TRIM71: variants seen among roughly 807,000 people sequenced by gnomAD.
The protein encoded by TRIM71 is E3 ubiquitin-protein ligase TRIM71.
In TRIM71, 9 loss-of-function variants were observed where a neutral mutation model predicts 61.2. The ratio of observed to expected loss-of-function variants is 0.15; its 90% CI spans 0.09 to 0.26. The LOEUF is 0.26. Among genes scored for constraint, TRIM71 ranks in the 10% least tolerant of loss-of-function variants. The pLI is 1.00. For synonymous variants in TRIM71, 645 were observed against 553.2 expected, an observed-to-expected ratio of 1.17 and a Z score of -2.33; for missense variants, 998 against 1,238.7, an observed-to-expected ratio of 0.81 and a Z score of 2.92.
chr3:32,822,683 T>G (rs1253412514), intron 1 of TRIM71, among the ~76,000 whole-genome samples: 1 of 152,178 alleles, frequency 6.6e-6, no homozygotes. Context: ...CTTGCATAAA[T>G]TATAAAATCC....
chr3:32,837,638 T>C (rs1368601444), intron 1 of TRIM71, among the ~76,000 whole-genome samples: 1 of 152,040 alleles, frequency 6.6e-6, no homozygotes, highest in East Asian at 1.9e-4. Flanking sequence ...GCTAACTTGG[T>C]GAAACCCCCT....
intron 1 of TRIM71, among the ~76,000 whole-genome samples, chr3:32,840,901 G>C (rs1696396574): frequency 6.6e-6 from 1 of 152,176 alleles, no homozygotes; most frequent in African/African-American, 2.4e-5. Context: ...GCTGGTCTAA[G>C]TGAGCCAGCT....
At position 32,818,780 on chromosome 3, in the gene TRIM71, A is replaced by G; in HGVS notation, c.700A>G (p.Lys234Glu). 6.2e-7 allele frequency: 1 copy of G among 1,608,444 alleles called. No individual in the cohort carries two copies. Among genetic ancestry groups the G allele is most frequent in the Non-Finnish European group, 8.5e-7 (1 of 1,178,532 alleles). Residue 234 changes from lysine (K) to glutamate (E), a missense_variant, in exon 1 of 4, where the codon AAG (lysine) becomes GAG (glutamate). This residue lies in a region of TRIM71 where 527 missense variants were observed against 427.8 expected (regional missense o/e 1.23). Coordinates refer to ENST00000383763, the MANE Select transcript of TRIM71 (RefSeq NM_001039111.3). The stretch of plus-strand genomic sequence containing the variant: ...AGCGCACCAGCGCGTGCGCCTCACC[A>G]AGGACCACTACATCGAGCGCGGCCC... ...VRAHQRVRLTKDHYIERGPPG... is the reference protein window; with the variant it reads ...VRAHQRVRLTEDHYIERGPPG...
intron 1 of TRIM71, among the ~76,000 whole-genome samples, chr3:32,826,416 C>T (rs990354562): frequency 2.0e-5 from 3 of 151,832 alleles, no homozygotes; most frequent in East Asian, 1.9e-4. Context: ...CCAGTCTGGG[C>T]GATAGAACAA....
rs573533792 is a variant in TRIM71 at position 32,866,478 on chromosome 3, C to T, written c.853-7340C>T. On this transcript the variant is annotated intron_variant, in intron 1 of 3. Coordinates refer to ENST00000383763, the MANE Select transcript of TRIM71 (RefSeq NM_001039111.3). ...TAGTCAACAAGTGATCTGCCCTCTT[C>T]GCACTCCCAAAGTTCTGGGATTACA... 5.3e-5 allele frequency among the ~76,000 whole-genome samples: 8 copies of T among 152,134 alleles called. No homozygotes were observed. In the East Asian group the frequency reaches 5.8e-4, roughly 11 times the overall value.
At chr3:32,856,996 A>G (rs2125683699) in intron 1 of TRIM71, among the ~76,000 whole-genome samples, 1 of 152,300 alleles carries the variant, frequency 6.6e-6, no homozygotes, top group Non-Finnish European at 1.5e-5. Context: ...TTGCTGGAGA[A>G]GGACCACTCA....
intron 1 of TRIM71, among the ~76,000 whole-genome samples, chr3:32,868,870 G>A (rs1215287013): frequency 1.3e-5 from 2 of 152,094 alleles, no homozygotes; most frequent in Non-Finnish European, 2.9e-5. Flanking sequence ...GCCTGAACTG[G>A]GTCCCTATTC....
intron 1 of TRIM71, among the ~76,000 whole-genome samples, chr3:32,830,842 G>A (rs770009548): frequency 3.3e-5 from 5 of 152,030 alleles, no homozygotes; most frequent in Non-Finnish European, 7.4e-5. Flanking sequence ...ATGTTTGTTT[G>A]TTTTTTTGCT....
intron 1 of TRIM71, among the ~76,000 whole-genome samples, chr3:32,821,038 CTAAAGTGT>C (rs1204495851): frequency 6.6e-6 from 1 of 152,170 alleles, no homozygotes; most frequent in Non-Finnish European, 1.5e-5. Flanking sequence ...GAGTAGAAGA[CTAAAGTGT>C]TAGGAGAGAC....
Position 32,894,323 on chromosome 3 carries a change from C to A in TRIM71, c.*2512C>A, listed in dbSNP as rs541228419. ...CCCAGATGTAGGAAAATTTTGGGAC[C>A]TGAATGAGAAATGTTCTTGGTGCAT... On this transcript the variant is annotated 3_prime_UTR_variant, in exon 4 of 4. Coordinates refer to ENST00000383763, the MANE Select transcript of TRIM71 (RefSeq NM_001039111.3). 1.8e-4 allele frequency: 27 copies of A among 152,228 alleles called. No homozygotes were observed. Among genetic ancestry groups the A allele is most frequent in the African/African-American group, 5.8e-4 (24 of 41,526 alleles). The allele number at this position is 152,228 out of a possible 1,614,324, so 9.4% of individuals were successfully genotyped here.
At chr3:32,842,201 T>C (rs1000268082) in intron 1 of TRIM71, among the ~76,000 whole-genome samples, 5 of 152,200 alleles carry the variant, frequency 3.3e-5, no homozygotes, top group African/African-American at 9.7e-5. Flanking sequence ...ACATTGTCCG[T>C]TTTGAAAACT....
intron 1 of TRIM71, among the ~76,000 whole-genome samples, chr3:32,859,596 T>TTTGCATACA (rs1227906057): frequency 1.3e-5 from 2 of 152,182 alleles, no homozygotes; most frequent in Non-Finnish European, 2.9e-5. Flanking sequence ...TTCCAGTGGT[T>TTTGCATACA]TTGCATACAG....
At chr3:32,879,037 C>T (rs1336035510) in intron 2 of TRIM71, among the ~76,000 whole-genome samples, 1 of 152,246 alleles carries the variant, frequency 6.6e-6, no homozygotes, top group East Asian at 1.9e-4. Context: ...GCTTCTATAT[C>T]AGACTTGCTG....
At chr3:32,832,305 A>G (rs1031637727) in intron 1 of TRIM71, among the ~76,000 whole-genome samples, 1 of 152,196 alleles carries the variant, frequency 6.6e-6, no homozygotes, top group Non-Finnish European at 1.5e-5. Flanking sequence ...CTGTCCGTAC[A>G]AATTAGCCGA....
intron 1 of TRIM71, among the ~76,000 whole-genome samples, chr3:32,868,014 T>G (rs1332953515): frequency 6.6e-6 from 1 of 152,148 alleles, no homozygotes; most frequent in African/African-American, 2.4e-5. Context: ...TTAATCTTAT[T>G]TAACAGACGC....
chr3:32,860,670 C>T (rs1696657167), intron 1 of TRIM71, among the ~76,000 whole-genome samples: 1 of 152,106 alleles, frequency 6.6e-6, no homozygotes. Flanking sequence ...AGATCACAGC[C>T]GTGGGGCCCA....
chr3:32,829,142 C>T (rs1696237054), intron 1 of TRIM71, among the ~76,000 whole-genome samples: 1 of 151,376 alleles, frequency 6.6e-6, no homozygotes. Context: ...TACAGGAGTG[C>T]ACCGCCATGC....
intron 1 of TRIM71, among the ~76,000 whole-genome samples, chr3:32,847,318 T>TCC (rs1696487182): frequency 6.7e-6 from 1 of 148,768 alleles, no homozygotes; most frequent in Non-Finnish European, 1.5e-5. Flanking sequence ...TGCCTCCACC[T>TCC]CCCGAGTAGC....
chr3:32,847,717 T>G (rs80315134), intron 1 of TRIM71, among the ~76,000 whole-genome samples: 1 of 152,164 alleles, frequency 6.6e-6, no homozygotes, highest in Non-Finnish European at 1.5e-5. Context: ...ATGTGACAAA[T>G]GAATGTGCTG....
Sources: gnomAD v4.1 joint callset for allele counts (sites outside exome capture counted in the v4.1 genomes callset) on GRCh38, gnomAD v4.1.1 for gene constraint, gnomAD v4.1.1 regional missense constraint, MANE v1.5 for transcripts, NCBI Gene and HGNC (gene_info 2026-07-23, HGNC 2026-07-21) for gene names.